Variants in ETV1 observed in about 807,000 individuals in gnomAD.
ETV1 encodes the protein ETS translocation variant 1.
In ETV1, 27 loss-of-function variants were observed where a neutral mutation model predicts 62.3. The ratio of observed to expected loss-of-function variants is 0.43; its 90% CI spans 0.32 to 0.60. The LOEUF (loss-of-function observed/expected upper bound fraction) is 0.60. ETV1 is among the 20% of genes least tolerant of loss of function. The pLI is 0.06. For missense variants in ETV1, 605 were observed against 605.8 expected (o/e 1.00, Z 0.01); for synonymous variants, 222 against 199.6 (o/e 1.11, Z -0.94).
rs1346726031 is a variant in ETV1 at position 13,909,619 on chromosome 7, G to A, written c.940+13C>T. ...TAAAAAAATCAGAACTTGAGGCAAA[G>A]TGTAAAACCTACCATCGAATTTTTC... On this transcript the variant is annotated intron_variant, in intron 11 of 13. Coordinates refer to ENST00000430479, the MANE Select transcript of ETV1 (RefSeq NM_004956.5). 6.2e-7 allele frequency: 1 copy of A among 1,606,904 alleles called. No homozygotes were observed. The highest frequency in any genetic ancestry group is 8.5e-7 in the Non-Finnish European group (1 of 1,173,968).
At chr7:13,964,317 G>A (rs1024859684) in intron 6 of ETV1, among the ~76,000 whole-genome samples, 1 of 152,086 alleles carries the variant, frequency 6.6e-6, no homozygotes, top group Admixed American at 6.5e-5. Context: ...AACCATGTTC[G>A]GTGGCCTTGA....
At chr7:13,914,163 G>A (rs1783882879) in intron 9 of ETV1, among the ~76,000 whole-genome samples, 1 of 151,744 alleles carries the variant, frequency 6.6e-6, no homozygotes, top group African/African-American at 2.4e-5. Context: ...GGGATTACAG[G>A]CATGAGTCAC....
At chr7:13,922,201 G>C (rs1341352424) in intron 9 of ETV1, among the ~76,000 whole-genome samples, 1 of 151,954 alleles carries the variant, frequency 6.6e-6, no homozygotes, top group Non-Finnish European at 1.5e-5. Context: ...TATAATTCTA[G>C]GCCTTCTATA....
chr7:13,939,299 G>T, intron 6 of ETV1, 53 bp from the exon 7 acceptor site: 1 of 1,492,458 alleles, frequency 6.7e-7, no homozygotes, highest in South Asian at 1.2e-5. Flanking sequence ...AGGAATTATG[G>T]AGATTAATGT....
intron 5 of ETV1, among the ~76,000 whole-genome samples, chr7:13,980,018 C>A (rs1296323878): frequency 6.6e-6 from 1 of 152,080 alleles, no homozygotes; most frequent in African/African-American, 2.4e-5. Flanking sequence ...AAAATAGCTG[C>A]ACGATAACAA....
At chr7:13,965,409 T>A (rs928013310) in intron 6 of ETV1, among the ~76,000 whole-genome samples, 16 of 152,184 alleles carry the variant, frequency 1.1e-4, no homozygotes, top group Non-Finnish European at 2.4e-4. Context: ...TGAGAATAAT[T>A]TTCAAAAACT....
intron 6 of ETV1, among the ~76,000 whole-genome samples, chr7:13,975,924 C>T (rs554299746): frequency 3.9e-5 from 6 of 152,208 alleles, no homozygotes; most frequent in Middle Eastern, 3.4e-3. Context: ...TTTACTCAGA[C>T]GACGTGTTTA....
At chr7:13,989,196 G>A (rs1172643629) in intron 2 of ETV1, 57 bp from the exon 3 acceptor site, 10 of 670,258 alleles carry the variant, frequency 1.5e-5, no homozygotes, top group South Asian at 3.8e-5. Context: ...TGAAGCTCTT[G>A]AATTTGCATA....
At chr7:13,986,488 C>A in intron 5 of ETV1, 150 bp downstream of exon 5, 6 of 1,513,170 alleles carry the variant, frequency 4.0e-6, no homozygotes, top group Non-Finnish European at 5.3e-6. Context: ...AAGACAAACT[C>A]ATCAGAGGCT....
intron 9 of ETV1, among the ~76,000 whole-genome samples, chr7:13,912,481 T>G (rs1583600419): frequency 6.6e-6 from 1 of 152,184 alleles, no homozygotes; most frequent in African/African-American, 2.4e-5. Flanking sequence ...TAATCTATGA[T>G]ATTTAAGATA....
At chr7:13,972,095 G>A (rs1353638853) in intron 6 of ETV1, among the ~76,000 whole-genome samples, 1 of 151,928 alleles carries the variant, frequency 6.6e-6, no homozygotes, top group African/African-American at 2.4e-5. Flanking sequence ...GGATGATACA[G>A]CGAGACTCTG....
chr7:13,917,607 G>A (rs901101583), intron 9 of ETV1, among the ~76,000 whole-genome samples: 16 of 149,150 alleles, frequency 1.1e-4, no homozygotes, highest in African/African-American at 2.0e-4. Flanking sequence ...GTGAGCCACC[G>A]CGCCTGACCA....
rs1781403938 is a variant in ETV1, at chr7:13,891,862, CTTATTT to C, written c.*3998_*4003del. 5 of 231,218 alleles carry C rather than the reference CTTATTT, an allele frequency of 2.2e-5. No homozygotes were observed. The Admixed American group carries it at 2.8e-4, about 13-fold the overall frequency. 14.3% of individuals were successfully genotyped at this position (231,218 alleles called of 1,614,324 possible). ...CAAATGGAAAATAGCTTACTCACTT[CTTATTT>C]TTAAATTTTAGTTTTTGTTTTCTAG... On this transcript the variant is annotated 3_prime_UTR_variant, in exon 14 of 14. Coordinates refer to ENST00000430479, the MANE Select transcript of ETV1 (RefSeq NM_004956.5).
chr7:13,980,410 T>C (rs1355265338), intron 5 of ETV1, among the ~76,000 whole-genome samples: 1 of 152,126 alleles, frequency 6.6e-6, no homozygotes, highest in Non-Finnish European at 1.5e-5. Context: ...CAGCAAGCCA[T>C]ACCAACTCCA....
intron 12 of ETV1, among the ~76,000 whole-genome samples, chr7:13,904,442 C>T (rs1326770894): frequency 6.6e-6 from 1 of 152,126 alleles, no homozygotes; most frequent in Non-Finnish European, 1.5e-5. Flanking sequence ...TTTGATGAAA[C>T]TTAATGGTCA....
Position 13,930,559 on chromosome 7 carries a change from A to G in ETV1, c.802+943T>C, listed in dbSNP as rs182714982. ...GATGGTCTCAATCTCCTGACCTCGT[A>G]ATCCGCCCACCTCGGCCTCCCAAAG... On this transcript the variant is annotated intron_variant, in intron 9 of 13. Coordinates refer to ENST00000430479, the MANE Select transcript of ETV1 (RefSeq NM_004956.5). Among the ~76,000 whole-genome samples, 655 of 151,690 alleles carry G rather than the reference A, an allele frequency of 4.3e-3. 1 individual carries two copies. Among genetic ancestry groups the G allele is most frequent in the Non-Finnish European group, 5.9e-3 (399 of 67,886 alleles).
At position 13,906,439 on chromosome 7, in the gene ETV1, C is replaced by G. The variant is rs372949158; in HGVS notation, c.1101G>C (p.Glu367Asp). ...TGRGMEFKLI[E>D]PEEVARRWGI... ...AATCTATTAAACTAACCTCTTCAGG[C>G]TCAATCAGTTTAAATTCCATGCCTC... Residue 367 changes from glutamate to aspartate, a missense_variant, in exon 12 of 14, where the codon GAG becomes GAC. This residue lies in a region of ETV1 where 100 missense variants were observed against 156.4 expected (regional missense o/e 0.64). Transcript: ENST00000430479. 2 of 1,597,556 alleles carry G rather than the reference C, an allele frequency of 1.3e-6. No homozygotes were observed. The highest frequency in any genetic ancestry group is 1.1e-5 in the South Asian group (1 of 87,760).
chr7:13,923,560 T>C (rs535032598), intron 9 of ETV1, among the ~76,000 whole-genome samples: 1 of 152,346 alleles, frequency 6.6e-6, no homozygotes, highest in South Asian at 2.1e-4. Context: ...AAATATTTTT[T>C]CAGTATTTAT....
At chr7:13,930,926 G>A (rs1006123873) in intron 9 of ETV1, among the ~76,000 whole-genome samples, 1 of 150,234 alleles carries the variant, frequency 6.7e-6, no homozygotes, top group South Asian at 2.1e-4. Flanking sequence ...TCAGCCTCCC[G>A]AGTAGCTGGG....
Sources: gnomAD v4.1 joint callset for allele counts (sites outside exome capture counted in the v4.1 genomes callset) on GRCh38, gnomAD v4.1.1 for gene constraint, gnomAD v4.1.1 regional missense constraint, MANE v1.5 for transcripts, NCBI Gene and HGNC (gene_info 2026-07-23, HGNC 2026-07-21) for gene names.